SFT2D1: variants seen among roughly 807,000 people sequenced by gnomAD.
SFT2D1 encodes vesicle transport protein SFT2A.
In SFT2D1, 24 loss-of-function variants were observed where a neutral mutation model predicts 28.1. That is an observed-to-expected ratio of 0.85 (90% CI 0.62 to 1.20). The LOEUF (loss-of-function observed/expected upper bound fraction) is 1.20, where lower values mean the gene tolerates loss of function less well. SFT2D1 is among the 50% of genes most tolerant of loss of function. The pLI, the probability that SFT2D1 is intolerant of heterozygous loss-of-function variation, is 0.00. For missense variants in SFT2D1, 181 were observed against 190.9 expected, an observed-to-expected ratio of 0.95 and a Z score of 0.31; for synonymous variants, 82 against 73.7, an observed-to-expected ratio of 1.11 and a Z score of -0.58.
chr6:166,326,259 G>T, intron 4 of SFT2D1, 92 bp from the exon 5 acceptor site: 2 of 1,049,794 alleles, frequency 1.9e-6, no homozygotes, highest in Non-Finnish European at 1.4e-6. Context: ...TTTACATAGG[G>T]AATATACTAT....
In SFT2D1 at chr6:166,319,900, G is replaced by A. The variant is rs1421174110; in HGVS notation, c.*317C>T. 4.4e-6 allele frequency: 1 copy of A among 226,684 alleles called. No homozygotes were observed. Among genetic ancestry groups the A allele is most frequent in the Non-Finnish European group, 8.5e-6 (1 of 117,748 alleles). 14.0% of individuals were successfully genotyped at this position (226,684 alleles called of 1,614,324 possible). On this transcript the variant is annotated 3_prime_UTR_variant, in exon 8 of 8. Coordinates refer to ENST00000361731, the MANE Select transcript of SFT2D1 (RefSeq NM_145169.3). ...AAAGTTTAATTATCTTGCAGCACAGGTCTACCTTTAAATATTCACATTTCA... is the reference window on the plus strand; with the variant it reads ...AAAGTTTAATTATCTTGCAGCACAGATCTACCTTTAAATATTCACATTTCA...
At chr6:166,333,495 G>A (rs771579634) in intron 1 of SFT2D1, among the ~76,000 whole-genome samples, 5 of 152,288 alleles carry the variant, frequency 3.3e-5, no homozygotes, top group East Asian at 1.9e-4. Context: ...CGGCCCCACC[G>A]TGCTGACTCC....
At position 166,327,301 on chromosome 6, in the gene SFT2D1, G is replaced by C. The variant is rs183037475; in HGVS notation, c.315+975C>G. ...CAGAGGCAGGATGCAGAAGAGATTT[G>C]GGTCCCCCTCCTGCCCACAATACAC... On this transcript the variant is annotated intron_variant, in intron 4 of 7. Coordinates refer to ENST00000361731, the MANE Select transcript of SFT2D1 (RefSeq NM_145169.3). Among the ~76,000 whole-genome samples the C allele has an allele frequency of 7.2e-5, 11 of 152,106 alleles. 1 individual carries two copies. Among genetic ancestry groups the C allele is most frequent in the African/African-American group, 2.7e-4 (11 of 41,408 alleles).
intron 5 of SFT2D1, among the ~76,000 whole-genome samples, chr6:166,325,589 C>G (rs184442781): frequency 6.6e-6 from 1 of 152,232 alleles, no homozygotes; most frequent in Non-Finnish European, 1.5e-5. Context: ...CCTTGCTACT[C>G]GGCAGCACAC....
At chr6:166,325,850 A>G in intron 5 of SFT2D1, 1 of 511,302 alleles carries the variant, frequency 2.0e-6, no homozygotes. Context: ...GACTACCTCT[A>G]TGCTGCAGAC....
chr6:166,325,419 T>C (rs192484723), intron 5 of SFT2D1, among the ~76,000 whole-genome samples: 14 of 152,330 alleles, frequency 9.2e-5, no homozygotes, highest in African/African-American at 3.4e-4. Context: ...AAATATGATG[T>C]AGAATCAGGA....
At chr6:166,330,878 G>A (rs1162609988) in intron 1 of SFT2D1, among the ~76,000 whole-genome samples, 2 of 152,238 alleles carry the variant, frequency 1.3e-5, no homozygotes, top group Non-Finnish European at 2.9e-5. Flanking sequence ...GAGGCAGCCT[G>A]AGCAGCCCCA....
intron 2 of SFT2D1, among the ~76,000 whole-genome samples, chr6:166,329,822 A>T (rs1778517420): frequency 6.6e-6 from 1 of 152,192 alleles, no homozygotes; most frequent in Admixed American, 6.5e-5. Flanking sequence ...CCATAACAAA[A>T]CTTTGTGCTT....
intron 1 of SFT2D1, among the ~76,000 whole-genome samples, chr6:166,337,177 T>A (rs1397502041): frequency 6.6e-6 from 1 of 152,198 alleles, no homozygotes; most frequent in Non-Finnish European, 1.5e-5. Context: ...CTTTTTCATG[T>A]AGTTCCCTTC....
chr6:166,326,736 C>G (rs1778450872), intron 4 of SFT2D1, among the ~76,000 whole-genome samples: 1 of 152,220 alleles, frequency 6.6e-6, no homozygotes, highest in Non-Finnish European at 1.5e-5. Flanking sequence ...GGCAGCAAAT[C>G]AAACCACGCA....
intron 1 of SFT2D1, among the ~76,000 whole-genome samples, chr6:166,338,859 A>G (rs891763872): frequency 9.9e-5 from 15 of 152,058 alleles, no homozygotes; most frequent in African/African-American, 3.6e-4. Context: ...CTCGAAGGAG[A>G]GGTCCCAGAA....
rs971427096 is a variant in SFT2D1, at chr6:166,342,325, C to T, written c.63+94G>A. On this transcript the variant is annotated intron_variant, in intron 1 of 7. Coordinates refer to ENST00000361731, the MANE Select transcript of SFT2D1 (RefSeq NM_145169.3). Reference sequence around the variant, plus strand: ...GCCGGGCAGAGGAGTCCCAGACCCCCGGCCTCGCACCCACCCCACCCGCTC... The same window carrying T: ...GCCGGGCAGAGGAGTCCCAGACCCCTGGCCTCGCACCCACCCCACCCGCTC... The T allele has an allele frequency of 1.2e-5, 14 of 1,171,946 alleles. No individual in the cohort carries two copies. In the East Asian group the frequency reaches 3.6e-4, roughly 30 times the overall value. 72.6% of individuals were successfully genotyped at this position (1,171,946 alleles called of 1,614,324 possible).
chr6:166,326,030 A>T, intron 5 of SFT2D1, 102 bp downstream of exon 5: 1 of 1,160,266 alleles, frequency 8.6e-7, no homozygotes, highest in Non-Finnish European at 1.3e-6. Context: ...AGAGAGTTTT[A>T]AAAAAACAGA....
At chr6:166,333,468 G>A (rs186804343) in intron 1 of SFT2D1, among the ~76,000 whole-genome samples, 181 of 152,302 alleles carry the variant, frequency 1.2e-3, no homozygotes, top group Non-Finnish European at 2.3e-3. Context: ...GTTTCTTCTG[G>A]CAGCAGGCTG....
At chr6:166,328,132 C>T in intron 4 of SFT2D1, 144 bp downstream of exon 4, 1 of 374,560 alleles carries the variant, frequency 2.7e-6, no homozygotes, top group Non-Finnish European at 4.6e-6. Flanking sequence ...AAGAAGTATA[C>T]ATACAACCCT....
intron 7 of SFT2D1, among the ~76,000 whole-genome samples, chr6:166,321,226 T>C (rs1358209050): frequency 6.6e-6 from 1 of 152,238 alleles, no homozygotes; most frequent in African/African-American, 2.4e-5. Flanking sequence ...AAAACTGTTA[T>C]TACTTGATAC....
At chr6:166,320,288 A>G (rs950598207) in intron 7 of SFT2D1, 32 bp from the exon 8 acceptor site, 2 of 1,588,538 alleles carry the variant, frequency 1.3e-6, no homozygotes, top group Non-Finnish European at 1.7e-6. Context: ...AAAACAGAAT[A>G]TAATATTCCT....
At chr6:166,329,954 A>G (rs1778520011) in intron 2 of SFT2D1, among the ~76,000 whole-genome samples, 1 of 152,180 alleles carries the variant, frequency 6.6e-6, no homozygotes, top group African/African-American at 2.4e-5. Context: ...TTTTTCTTAA[A>G]TTATTTCAAC....
intron 1 of SFT2D1, 75 bp from the exon 2 acceptor site, chr6:166,330,322 C>T: frequency 1.0e-6 from 1 of 977,534 alleles, no homozygotes; most frequent in Non-Finnish European, 1.5e-6. Flanking sequence ...TAAATTAAAG[C>T]AAAGTTTTAA....
Sources: allele counts gnomAD v4.1 joint callset (sites outside exome capture counted in the v4.1 genomes callset), GRCh38; gene constraint gnomAD v4.1.1; transcripts MANE v1.5; gene names NCBI Gene and HGNC (gene_info 2026-07-23, HGNC 2026-07-21).